Variants in CENPQ observed in about 807,000 individuals in gnomAD.
CENPQ encodes the protein centromere protein Q.
Under a neutral mutation model 36.6 loss-of-function variants are expected in CENPQ, and 27 were observed. That is an observed-to-expected ratio of 0.74 (90% confidence interval 0.54 to 1.02). The LOEUF (loss-of-function observed/expected upper bound fraction) is 1.02, where lower values mean the gene tolerates loss of function less well. CENPQ is among the 50% of genes least tolerant of loss of function. CENPQ has a pLI of 0.00. For synonymous variants in CENPQ, 101 were observed against 101.7 expected, an observed-to-expected ratio of 0.99 and a Z score of 0.04; for missense variants, 306 against 301.8, an observed-to-expected ratio of 1.01 and a Z score of -0.10.
rs1289570263 is a variant in CENPQ, at chr6:49,492,551, T to C, written c.*276T>C. The C allele has an allele frequency of 1.4e-5, 4 of 279,738 alleles. No homozygotes were observed. The highest frequency in any genetic ancestry group is 6.9e-5 in the South Asian group (1 of 14,496). 17.3% of individuals were successfully genotyped at this position (279,738 alleles called of 1,614,324 possible). The stretch of plus-strand genomic sequence containing the variant: ...CATAAAATAGGAATTGCCTTAAGGA[T>C]CTAGTAGTTTATAATGCCTGAATGG... On this transcript the variant is annotated 3_prime_UTR_variant, in exon 9 of 9. Coordinates refer to ENST00000335783, the MANE Select transcript of CENPQ (RefSeq NM_018132.4).
chr6:49,471,073 C>T (rs1768122685), intron 3 of CENPQ, 45 bp downstream of exon 3: 2 of 1,152,700 alleles, frequency 1.7e-6, no homozygotes, highest in Non-Finnish European at 2.4e-6. Flanking sequence ...CTATATCAAG[C>T]TATATCTACA....
rs367857745 is a variant in CENPQ, at chr6:49,472,872, A to G, written c.347+14A>G. Reference sequence around the variant, plus strand: ...CCTGAAGAAAAGGTAATACTATTGCATAATTAAAATGATTAAAACATAATT... The same window carrying G: ...CCTGAAGAAAAGGTAATACTATTGCGTAATTAAAATGATTAAAACATAATT... On this transcript the variant is annotated intron_variant, in intron 5 of 8. Coordinates refer to ENST00000335783, the MANE Select transcript of CENPQ (RefSeq NM_018132.4). 3.8e-5 allele frequency: 52 copies of G among 1,378,046 alleles called. No individual in the cohort carries two copies. The African/African-American group carries it at 5.9e-4, about 16-fold the overall frequency. The allele number at this position is 1,378,046 out of a possible 1,614,324, so 85.4% of individuals were successfully genotyped here.
chr6:49,464,587 T>C (rs1479641606), intron 1 of CENPQ, among the ~76,000 whole-genome samples: 1 of 152,258 alleles, frequency 6.6e-6, no homozygotes, highest in Admixed American at 6.5e-5. Context: ...TCTTAACCCC[T>C]ACCATTGCTT....
At chr6:49,472,029 G>C in intron 3 of CENPQ, 34 bp from the exon 4 acceptor site, 2 of 1,573,508 alleles carry the variant, frequency 1.3e-6, no homozygotes, top group Non-Finnish European at 1.7e-6. Context: ...AAAACATCTA[G>C]ATTGATCAGA....
At chr6:49,486,619 T>TA (rs200942288) in intron 6 of CENPQ, among the ~76,000 whole-genome samples, 145 of 147,640 alleles carry the variant, frequency 9.8e-4, no homozygotes, top group African/African-American at 2.9e-3. Flanking sequence ...AAACAAAATG[T>TA]AAAAAAAAAA....
At chr6:49,475,721 C>A (rs1438059011) in intron 5 of CENPQ, among the ~76,000 whole-genome samples, 1 of 152,150 alleles carries the variant, frequency 6.6e-6, no homozygotes, top group Non-Finnish European at 1.5e-5. Context: ...GCAACTTCAG[C>A]AAAATCTCAG....
intron 5 of CENPQ, among the ~76,000 whole-genome samples, chr6:49,476,020 G>A (rs369420497): frequency 2.2e-4 from 33 of 152,006 alleles, no homozygotes; most frequent in African/African-American, 5.8e-4. Context: ...TATAGATTCA[G>A]TGCCATCCCC....
At chr6:49,477,855 A>T (rs968701421) in intron 5 of CENPQ, among the ~76,000 whole-genome samples, 1 of 152,210 alleles carries the variant, frequency 6.6e-6, no homozygotes, top group African/African-American at 2.4e-5. Flanking sequence ...TAAAAAGATA[A>T]TAAGCTAATA....
chr6:49,470,386 G>A (rs1768100585), intron 2 of CENPQ, 108 bp downstream of exon 2: 6 of 566,186 alleles, frequency 1.1e-5, no homozygotes, highest in South Asian at 2.4e-5. Flanking sequence ...GGTGGATCAC[G>A]AGGTCAGGAG....
intron 1 of CENPQ, among the ~76,000 whole-genome samples, chr6:49,469,435 A>G (rs1463959175): frequency 6.6e-6 from 1 of 152,204 alleles, no homozygotes; most frequent in East Asian, 1.9e-4. Context: ...ATGCAAGAAT[A>G]AGTATTTCAT....
chr6:49,486,724 T>C (rs1307641192), intron 6 of CENPQ, among the ~76,000 whole-genome samples: 1 of 152,188 alleles, frequency 6.6e-6, no homozygotes. Context: ...GTAATGATAT[T>C]GTACTCTTAT....
intron 6 of CENPQ, among the ~76,000 whole-genome samples, chr6:49,485,785 T>C (rs1364578446): frequency 6.6e-6 from 1 of 151,830 alleles, no homozygotes; most frequent in African/African-American, 2.4e-5. Flanking sequence ...CATAAAAACA[T>C]TTTTAAAAGG....
intron 6 of CENPQ, among the ~76,000 whole-genome samples, chr6:49,482,494 G>A (rs1292133422): frequency 6.6e-6 from 1 of 152,204 alleles, no homozygotes; most frequent in African/African-American, 2.4e-5. Flanking sequence ...GAGTTGTAGT[G>A]TCCTCCAGAG....
chr6:49,479,244 C>G (rs1429374502), intron 5 of CENPQ, among the ~76,000 whole-genome samples: 1 of 151,924 alleles, frequency 6.6e-6, no homozygotes, highest in African/African-American at 2.4e-5. Context: ...AAACAAAGGT[C>G]TGTATCAAGA....
intron 1 of CENPQ, among the ~76,000 whole-genome samples, chr6:49,469,778 A>C (rs1326199490): frequency 6.6e-6 from 1 of 152,180 alleles, no homozygotes; most frequent in Non-Finnish European, 1.5e-5. Flanking sequence ...TTGAACTGAC[A>C]TTATCTGTGA....
chr6:49,469,575 A>G (rs1768078754), intron 1 of CENPQ, among the ~76,000 whole-genome samples: 1 of 152,160 alleles, frequency 6.6e-6, no homozygotes, highest in Non-Finnish European at 1.5e-5. Context: ...TATTCAGTAC[A>G]TTTCTGTACT....
chr6:49,480,906 G>A (rs1372614894), intron 5 of CENPQ, 45 bp from the exon 6 acceptor site: 4 of 1,373,854 alleles, frequency 2.9e-6, no homozygotes, highest in Admixed American at 2.2e-5. Flanking sequence ...AATAATAATA[G>A]TACTCAAAAA....
chr6:49,475,835 G>A (rs1364042542), intron 5 of CENPQ, among the ~76,000 whole-genome samples: 1 of 152,008 alleles, frequency 6.6e-6, no homozygotes, highest in Non-Finnish European at 1.5e-5. Flanking sequence ...TTGCTTCAAA[G>A]AGAATAAAAT....
rs147154203 is a variant in CENPQ at position 49,470,758 on chromosome 6, TTC to T, written c.103-214_103-213del. 8.1e-3 allele frequency among the ~76,000 whole-genome samples: 1,235 copies of T among 152,300 alleles called. 14 individuals carry two copies. The highest frequency in any genetic ancestry group is 0.026 in the African/African-American group (1,089 of 41,566). ...AAACATTCTTTGACACTGTATAAAA[TTC>T]TGTTATTATCATCATTGTCAAGAAT... On this transcript the variant is annotated intron_variant, in intron 2 of 8. Transcript: ENST00000335783.
Sources: gnomAD v4.1 joint callset for allele counts (sites outside exome capture counted in the v4.1 genomes callset) on GRCh38, gnomAD v4.1.1 for gene constraint, MANE v1.5 for transcripts, NCBI Gene and HGNC (gene_info 2026-07-23, HGNC 2026-07-21) for gene names.